VPS13B: variants seen among roughly 807,000 people sequenced by gnomAD.
VPS13B encodes the protein intermembrane lipid transfer protein VPS13B.
Under a neutral mutation model 426.4 loss-of-function variants are expected in VPS13B, and 285 were observed. The observed-to-expected ratio is 0.67, with a 90% confidence interval of 0.61 to 0.74. VPS13B has a LOEUF of 0.74. VPS13B is among the 30% of genes least tolerant of loss of function. VPS13B has a pLI of 0.00. For synonymous variants in VPS13B, 1,676 were observed against 1,676.4 expected (o/e 1.00, Z 0.01); for missense variants, 4,537 against 4,782.6 (o/e 0.95, Z 1.51).
intron 8 of VPS13B, chr8:99,121,739 T>A: frequency 1.9e-6 from 1 of 539,000 alleles, no homozygotes; most frequent in Non-Finnish European, 2.6e-6. Context: ...ATATTGTCAT[T>A]AAAAAAGAAA....
chr8:99,069,556 A>G (rs777916686), intron 3 of VPS13B, among the ~76,000 whole-genome samples: 3 of 152,200 alleles, frequency 2.0e-5, no homozygotes, highest in Non-Finnish European at 4.4e-5. Context: ...GTGCACATAC[A>G]TTTTCTAATA....
intron 19 of VPS13B, among the ~76,000 whole-genome samples, chr8:99,317,227 G>A (rs1479434048): frequency 1.3e-5 from 2 of 152,166 alleles, no homozygotes; most frequent in African/African-American, 4.8e-5. Flanking sequence ...GTATGGATCT[G>A]AACTTTAGAT....
At chr8:99,784,215 T>C in intron 42 of VPS13B, 100 bp from the exon 43 acceptor site, 8 of 1,462,600 alleles carry the variant, frequency 5.5e-6, no homozygotes, top group Non-Finnish European at 7.7e-6. Context: ...ACAGATCTTT[T>C]AGGGTTTCTG....
intron 8 of VPS13B, among the ~76,000 whole-genome samples, chr8:99,131,693 C>T (rs1809815121): frequency 6.6e-6 from 1 of 152,162 alleles, no homozygotes; most frequent in South Asian, 2.1e-4. Context: ...ACACTTTCAG[C>T]AAGTCATAAC....
At chr8:99,752,929 G>A (rs1237630926) in intron 39 of VPS13B, among the ~76,000 whole-genome samples, 4 of 152,156 alleles carry the variant, frequency 2.6e-5, no homozygotes, top group Admixed American at 1.3e-4. Flanking sequence ...AACCATGACC[G>A]TCAAGTAACT....
intron 54 of VPS13B, among the ~76,000 whole-genome samples, chr8:99,844,711 C>G (rs1033348980): frequency 1.3e-5 from 2 of 152,146 alleles, no homozygotes; most frequent in South Asian, 2.1e-4. Flanking sequence ...TCCCAAAGAC[C>G]CTGCCTTCTA....
At chr8:99,029,400 C>T (rs1339326811) in intron 2 of VPS13B, among the ~76,000 whole-genome samples, 1 of 152,024 alleles carries the variant, frequency 6.6e-6, no homozygotes, top group Non-Finnish European at 1.5e-5. Flanking sequence ...GCTGCAATCT[C>T]GGCTCTTTGG....
At chr8:99,425,924 A>C (rs1247428335) in intron 21 of VPS13B, among the ~76,000 whole-genome samples, 2 of 152,136 alleles carry the variant, frequency 1.3e-5, no homozygotes, top group Non-Finnish European at 2.9e-5. Flanking sequence ...TTAATTTTTT[A>C]TTATACTTTA....
chr8:99,220,780 CTTTTT>C (rs5893485), intron 17 of VPS13B, among the ~76,000 whole-genome samples: 29 of 112,934 alleles, frequency 2.6e-4, no homozygotes, highest in African/African-American at 7.1e-4. Flanking sequence ...TAGTTTTATT[CTTTTT>C]TTTTTTTTTT....
In VPS13B at chr8:99,390,403, C is replaced by T. The variant is rs553420559; in HGVS notation, c.2935-1154C>T. 3.9e-5 allele frequency among the ~76,000 whole-genome samples: 6 copies of T among 152,170 alleles called. No homozygotes were observed. The East Asian group carries it at 1.2e-3, about 29-fold the overall frequency. The stretch of plus-strand genomic sequence containing the variant: ...AGGCGTGAGCCACCGCACCCAGCCT[C>T]TAATTTCTTTTCCTTTTTTTTACTC... On this transcript the variant is annotated intron_variant, in intron 20 of 61. Transcript: ENST00000357162.
intron 40 of VPS13B, among the ~76,000 whole-genome samples, chr8:99,776,177 T>A (rs1236806291): frequency 1.3e-5 from 2 of 152,174 alleles, no homozygotes; most frequent in Non-Finnish European, 2.9e-5. Flanking sequence ...GGCAGAGTCA[T>A]ACTCTGAACT....
chr8:99,107,011 C>T (rs1029550031), intron 5 of VPS13B, among the ~76,000 whole-genome samples: 3 of 152,124 alleles, frequency 2.0e-5, no homozygotes, highest in South Asian at 2.1e-4. Context: ...CTTTGGTGGA[C>T]ATATACATAC....
chr8:99,110,347 A>G (rs1284526181), intron 5 of VPS13B, among the ~76,000 whole-genome samples: 1 of 152,066 alleles, frequency 6.6e-6, no homozygotes, highest in Non-Finnish European at 1.5e-5. Flanking sequence ...AGAAATATTG[A>G]TTTGCTAAAG....
chr8:99,504,578 G>GA (rs1030461904), intron 27 of VPS13B, among the ~76,000 whole-genome samples: 3 of 152,052 alleles, frequency 2.0e-5, no homozygotes, highest in Non-Finnish European at 4.4e-5. Flanking sequence ...ATTTACAAAG[G>GA]ATTTTTTTTT....
chr8:99,450,956 T>G (rs1458315405), intron 23 of VPS13B, among the ~76,000 whole-genome samples: 1 of 152,208 alleles, frequency 6.6e-6, no homozygotes. Flanking sequence ...TATTTTGGTA[T>G]ATTGCATCTG....
chr8:99,855,272 C>T (rs1385433668), intron 56 of VPS13B, among the ~76,000 whole-genome samples: 1 of 151,976 alleles, frequency 6.6e-6, no homozygotes, highest in African/African-American at 2.4e-5. Context: ...GTCCCAGCTA[C>T]TACTGAGGCT....
At chr8:99,298,420 C>T (rs1052305555) in intron 19 of VPS13B, among the ~76,000 whole-genome samples, 1 of 152,052 alleles carries the variant, frequency 6.6e-6, no homozygotes. Context: ...ACCTGGGAGG[C>T]AGAGGTTCCG....
chr8:99,497,474 A>G (rs1027940239), intron 25 of VPS13B, among the ~76,000 whole-genome samples: 2 of 150,552 alleles, frequency 1.3e-5, no homozygotes, highest in Admixed American at 6.6e-5. Flanking sequence ...CAATGTTTGG[A>G]AGCTTAGGGT....
chr8:99,513,355 A>T (rs1025147853), intron 29 of VPS13B, among the ~76,000 whole-genome samples: 4 of 152,136 alleles, frequency 2.6e-5, no homozygotes, highest in Admixed American at 1.3e-4. Context: ...TAGGAAGGCC[A>T]AAATTTCATT....
Sources: gnomAD v4.1 joint callset for allele counts (sites outside exome capture counted in the v4.1 genomes callset) on GRCh38, gnomAD v4.1.1 for gene constraint, MANE v1.5 for transcripts, NCBI Gene and HGNC (gene_info 2026-07-23, HGNC 2026-07-21) for gene names.